Variants in SLC17A8 observed in about 807,000 individuals in gnomAD.
The protein encoded by SLC17A8 is vesicular glutamate transporter 3.
Under a neutral mutation model 58.0 loss-of-function variants are expected in SLC17A8, and 31 were observed. The ratio of observed to expected loss-of-function variants is 0.53; its 90% confidence interval spans 0.40 to 0.72. SLC17A8 has a LOEUF of 0.72. SLC17A8 is among the 30% of genes least tolerant of loss of function. SLC17A8 has a pLI of 0.00. For synonymous variants in SLC17A8, 228 were observed against 249.0 expected (o/e 0.92, Z 0.79); for missense variants, 655 against 727.8 (o/e 0.90, Z 1.15).
chr12:100,411,043 C>G (rs73376052), intron 9 of SLC17A8, among the ~76,000 whole-genome samples: 1 of 152,144 alleles, frequency 6.6e-6, no homozygotes, highest in Non-Finnish European at 1.5e-5. Flanking sequence ...GAAAGTGAAC[C>G]CATACCAGTT....
intron 2 of SLC17A8, among the ~76,000 whole-genome samples, chr12:100,381,229 G>C (rs1023189132): frequency 1.9e-4 from 29 of 152,254 alleles, no homozygotes; most frequent in African/African-American, 6.7e-4. Context: ...TCAATACTTT[G>C]CTCCTTGAGA....
Position 100,420,336 on chromosome 12 carries a change from C to T in SLC17A8, c.*177C>T, listed in dbSNP as rs545750423. ...AATGACATGTATAGGTAAGGAGCTG[C>T]GCTCAGTTGATAACATAGTTGATAA... On this transcript the variant is annotated 3_prime_UTR_variant, in exon 12 of 12. Transcript: ENST00000323346. The T allele has an allele frequency of 4.0e-5, 24 of 604,380 alleles. No homozygotes were observed. Among genetic ancestry groups the T allele is most frequent in the African/African-American group, 2.4e-4 (13 of 54,160 alleles). The allele number at this position is 604,380 out of a possible 1,614,324, so 37.4% of individuals were successfully genotyped here.
intron 2 of SLC17A8, among the ~76,000 whole-genome samples, chr12:100,385,133 T>TGTGAGA (rs1318721084): frequency 2.0e-5 from 3 of 149,970 alleles, no homozygotes; most frequent in East Asian, 2.0e-4. Context: ...TGTGTGTGTG[T>TGTGAGA]GAGAGAGAGA....
intron 2 of SLC17A8, among the ~76,000 whole-genome samples, chr12:100,382,922 G>A (rs1250405115): frequency 6.6e-6 from 1 of 152,152 alleles, no homozygotes; most frequent in Admixed American, 6.5e-5. Context: ...TCTGCCAGAG[G>A]AAAACAGCAC....
chr12:100,369,087 C>T (rs1566386885), intron 1 of SLC17A8, among the ~76,000 whole-genome samples: 1 of 152,186 alleles, frequency 6.6e-6, no homozygotes, highest in Middle Eastern at 3.4e-3. Flanking sequence ...ACCAGCCTGG[C>T]CAACATGGTG....
intron 1 of SLC17A8, among the ~76,000 whole-genome samples, chr12:100,372,731 T>C (rs1237495548): frequency 2.0e-5 from 3 of 151,810 alleles, no homozygotes; most frequent in Non-Finnish European, 4.4e-5. Context: ...AATACTGTTT[T>C]ATATATATAT....
chr12:100,374,290 A>G (rs971996637), intron 1 of SLC17A8, among the ~76,000 whole-genome samples: 2 of 152,184 alleles, frequency 1.3e-5, no homozygotes, highest in African/African-American at 4.8e-5. Flanking sequence ...TATACAAGAA[A>G]TGGCCTGCTA....
chr12:100,381,570 G>GAGAGAC (rs1012425428), intron 2 of SLC17A8, among the ~76,000 whole-genome samples: 5 of 147,612 alleles, frequency 3.4e-5, no homozygotes, highest in South Asian at 4.2e-4. Context: ...GAAAGAGACA[G>GAGAGAC]AGAGAGAGAG....
intron 2 of SLC17A8, among the ~76,000 whole-genome samples, chr12:100,385,296 ACAT>A (rs1162534074): frequency 1.5e-5 from 2 of 134,252 alleles, no homozygotes; most frequent in African/African-American, 5.8e-5. Flanking sequence ...GAGTGCGGTG[ACAT>A]GATCTCAGCT....
intron 3 of SLC17A8, among the ~76,000 whole-genome samples, chr12:100,391,486 G>A (rs148964122): frequency 0.02 from 2,979 of 151,572 alleles, 95 homozygotes; most frequent in African/African-American, 0.067. Flanking sequence ...TGTATTTTTG[G>A]TAGAGACGAG....
chr12:100,366,279 G>A (rs1004076704), intron 1 of SLC17A8, among the ~76,000 whole-genome samples: 3 of 151,942 alleles, frequency 2.0e-5, no homozygotes, highest in Non-Finnish European at 2.9e-5. Flanking sequence ...ACAAGTCAAG[G>A]AACCACGGAA....
chr12:100,420,459 T>A lies in SLC17A8; in HGVS notation c.*300T>A. 3.2e-6 allele frequency: 1 copy of A among 315,370 alleles called. No homozygotes were observed. The highest frequency in any genetic ancestry group is 5.9e-6 in the Non-Finnish European group (1 of 168,440). 19.5% of individuals were successfully genotyped at this position (315,370 alleles called of 1,614,324 possible). A position where few individuals can be genotyped will look rare whatever the true frequency, so the allele number is the denominator to read the frequency against. ...GAAAAAGGAGACAATACCATGTTGT[T>A]CAAAGAAACATTGAAGGAAATTGGG... On this transcript the variant is annotated 3_prime_UTR_variant, in exon 12 of 12. Coordinates refer to ENST00000323346, the MANE Select transcript of SLC17A8 (RefSeq NM_139319.3).
intron 1 of SLC17A8, among the ~76,000 whole-genome samples, chr12:100,372,701 A>G (rs543767407): frequency 5.9e-5 from 9 of 152,318 alleles, no homozygotes; most frequent in Non-Finnish European, 1.2e-4. Context: ...AAATACAGTG[A>G]GCAAGTAAAT....
intron 3 of SLC17A8, among the ~76,000 whole-genome samples, chr12:100,392,769 A>G (rs1241747884): frequency 6.6e-6 from 1 of 152,218 alleles, no homozygotes; most frequent in Non-Finnish European, 1.5e-5. Flanking sequence ...TAAGACAGGT[A>G]CACAACCTGT....
intron 1 of SLC17A8, among the ~76,000 whole-genome samples, chr12:100,361,297 T>C (rs1197028320): frequency 6.6e-6 from 1 of 152,234 alleles, no homozygotes; most frequent in African/African-American, 2.4e-5. Flanking sequence ...TGTGACATTT[T>C]CCTGCCTCAC....
chr12:100,367,593 T>C (rs1013032904), intron 1 of SLC17A8, among the ~76,000 whole-genome samples: 1 of 152,200 alleles, frequency 6.6e-6, no homozygotes. Context: ...CTCTGTCACC[T>C]AGGCTGGAGT....
chr12:100,407,590 T>G (rs1952835523), intron 9 of SLC17A8, among the ~76,000 whole-genome samples: 1 of 139,606 alleles, frequency 7.2e-6, no homozygotes, highest in African/African-American at 2.5e-5. Context: ...ATATATATTT[T>G]TTTTGTTTGT....
chr12:100,419,677 C>T (rs996617758), intron 11 of SLC17A8, 138 bp from the exon 12 acceptor site: 18 of 752,222 alleles, frequency 2.4e-5, no homozygotes, highest in African/African-American at 1.9e-4. Context: ...TTCTGACACA[C>T]GTCCTCCCGC....
chr12:100,383,500 C>T (rs1349116570), intron 2 of SLC17A8, among the ~76,000 whole-genome samples: 1 of 152,068 alleles, frequency 6.6e-6, no homozygotes, highest in Non-Finnish European at 1.5e-5. Flanking sequence ...AAATACTTTG[C>T]TAATTGTATT....
Sources: gnomAD v4.1 joint callset for allele counts (sites outside exome capture counted in the v4.1 genomes callset) on GRCh38, gnomAD v4.1.1 for gene constraint, MANE v1.5 for transcripts, NCBI Gene and HGNC (gene_info 2026-07-23, HGNC 2026-07-21) for gene names.